Variants in AKAP13 observed in about 807,000 individuals in gnomAD.
AKAP13 encodes A-kinase anchor protein 13.
AKAP13 carries 80 observed loss-of-function variants against 264.5 expected under a neutral mutation model. That is an observed-to-expected ratio of 0.30 (90% confidence interval 0.25 to 0.36). The LOEUF (loss-of-function observed/expected upper bound fraction) is 0.36, where lower values mean the gene tolerates loss of function less well. Ranked by LOEUF, AKAP13 falls within the 10% of genes least tolerant of loss-of-function variation. AKAP13 has a pLI of 1.00. For synonymous variants in AKAP13, 1,380 were observed against 1,250.2 expected, an observed-to-expected ratio of 1.10 and a Z score of -2.19; for missense variants, 3,712 against 3,435.2, an observed-to-expected ratio of 1.08 and a Z score of -2.01.
At position 85,485,086 on chromosome 15, in the gene AKAP13, T is replaced by G. The variant is rs548278369; in HGVS notation, c.-11-624T>G. Among the ~76,000 whole-genome samples the G allele has an allele frequency of 8.5e-5, 13 of 152,338 alleles. No homozygotes were observed. In the South Asian group the frequency reaches 2.7e-3, roughly 32 times the overall value. ...AGTTAAACTTTTAAGAACATGCTATTCTTAATGTTCAGGAATTCAACCCTG... is the reference window on the plus strand; with the variant it reads ...AGTTAAACTTTTAAGAACATGCTATGCTTAATGTTCAGGAATTCAACCCTG... On this transcript the variant is annotated intron_variant, in intron 1 of 36. Coordinates refer to ENST00000394518, the MANE Select transcript of AKAP13 (RefSeq NM_007200.5).
At chr15:85,608,448 A>C (rs1472775813) in intron 8 of AKAP13, among the ~76,000 whole-genome samples, 1 of 152,194 alleles carries the variant, frequency 6.6e-6, no homozygotes, top group East Asian at 1.9e-4. Context: ...AAATTTAAGA[A>C]ATGGCTGTTG....
At position 85,645,857 on chromosome 15, in the gene AKAP13, G is replaced by A; in HGVS notation, c.4277G>A (p.Cys1426Tyr). ...NFLDVGLGRE[C>Y]TSKQGVLKRE... ...CTGGATGTTGGACTGGGCAGAGAGTGTACCTCAAAACAAGGTGTACTTAAA... is the reference window on the plus strand; with the variant it reads ...CTGGATGTTGGACTGGGCAGAGAGTATACCTCAAAACAAGGTGTACTTAAA... Residue 1426 changes from cysteine (C) to tyrosine (Y), a missense_variant, in exon 10 of 37, where the codon TGT becomes TAT. Cys to Tyr is a radical substitution (Grantham distance 194). Coordinates refer to ENST00000394518, the MANE Select transcript of AKAP13 (RefSeq NM_007200.5). 1.2e-6 allele frequency: 2 copies of A among 1,611,656 alleles called. No individual in the cohort carries two copies. The highest frequency in any genetic ancestry group is 1.7e-6 in the Non-Finnish European group (2 of 1,179,138).
At chr15:85,704,452 C>A (rs1047347595) in intron 17 of AKAP13, among the ~76,000 whole-genome samples, 1 of 151,992 alleles carries the variant, frequency 6.6e-6, no homozygotes, top group Admixed American at 6.6e-5. Context: ...TGGTTGGTGG[C>A]ATGGGTTAAA....
At chr15:85,454,103 G>T (rs1420468615) in intron 1 of AKAP13, among the ~76,000 whole-genome samples, 2 of 152,218 alleles carry the variant, frequency 1.3e-5, no homozygotes, top group Non-Finnish European at 2.9e-5. Flanking sequence ...CTTGTGGGCT[G>T]CCATGGAAGT....
intron 5 of AKAP13, among the ~76,000 whole-genome samples, chr15:85,565,061 C>G (rs2078554108): frequency 6.6e-6 from 1 of 152,146 alleles, no homozygotes; most frequent in African/African-American, 2.4e-5. Flanking sequence ...TCAAGGTAAT[C>G]ATATTGTCAG....
At chr15:85,613,691 A>AAAAAAAATATATATATAT (rs1313187436) in intron 8 of AKAP13, among the ~76,000 whole-genome samples, 2 of 91,966 alleles carry the variant, frequency 2.2e-5, no homozygotes, top group African/African-American at 9.1e-5. Flanking sequence ...AAAAAAAAAA[A>AAAAAAAATATATATATAT]ATATATATAT....
chr15:85,667,625 T>G (rs982128405), intron 13 of AKAP13, among the ~76,000 whole-genome samples: 1 of 152,236 alleles, frequency 6.6e-6, no homozygotes, highest in African/African-American at 2.4e-5. Flanking sequence ...AACAGAATCA[T>G]AGGCCAAGAC....
intron 9 of AKAP13, 74 bp downstream of exon 9, chr15:85,639,523 CCCTT>C: frequency 9.1e-7 from 1 of 1,093,396 alleles, no homozygotes; most frequent in East Asian, 2.4e-5. Context: ...TGGAGATCTG[CCCTT>C]CCTTAGCATG....
intron 10 of AKAP13, among the ~76,000 whole-genome samples, chr15:85,650,798 A>AAAAAAAAAAAAAT (rs1227921694): frequency 6.8e-6 from 1 of 147,358 alleles, no homozygotes; most frequent in Admixed American, 6.8e-5. Flanking sequence ...AAACAACAAA[A>AAAAAAAAAAAAAT]ACTGCAATTG....
At chr15:85,454,388 G>A (rs962089766) in intron 1 of AKAP13, among the ~76,000 whole-genome samples, 11 of 152,100 alleles carry the variant, frequency 7.2e-5, no homozygotes, top group African/African-American at 1.9e-4. Context: ...TCTGGGGATC[G>A]CTCATTCACT....
chr15:85,692,472 A>G lies in AKAP13; in HGVS notation c.5290-805A>G, dbSNP rs534413291. 4.6e-5 allele frequency among the ~76,000 whole-genome samples: 7 copies of G among 150,690 alleles called. No individual in the cohort carries two copies. The South Asian group carries it at 1.5e-3, about 32-fold the overall frequency. On this transcript the variant is annotated intron_variant, in intron 16 of 36. Coordinates refer to ENST00000394518, the MANE Select transcript of AKAP13 (RefSeq NM_007200.5). ...TTTACCTAGGGTCACGCTATTACTG[A>G]GTAGTAGTAGTGGTGGTGGTGGTGA... is the stretch of plus-strand genomic sequence containing the variant.
In AKAP13 at chr15:85,726,890, T is replaced by C. The variant is rs148638517; in HGVS notation, c.6823-176T>C. 633 of 691,160 alleles carry C rather than the reference T, an allele frequency of 9.2e-4. 2 individuals carry two copies. Among genetic ancestry groups the C allele is most frequent in the Middle Eastern group, 3.5e-3 (9 of 2,584 alleles). The allele number at this position is 691,160 out of a possible 1,614,324, so 42.8% of individuals were successfully genotyped here. A position where few individuals can be genotyped will look rare whatever the true frequency, so the allele number is the denominator to read the frequency against. On this transcript the variant is annotated intron_variant, in intron 27 of 36. Transcript: ENST00000394518. ...AATTACTATTTCCCTTTTGAAATCT[T>C]TTTTTGTTAAAATCTGAATGAAATA...
At position 85,641,494 on chromosome 15, in the gene AKAP13, A is replaced by T. The variant is rs1006835185; in HGVS notation, c.4237+2045A>T. ...TAAATAAATAAATAAATAAATAAAT[A>T]AATAAATAAATAACGGAGTCTCGCT... On this transcript the variant is annotated intron_variant, in intron 9 of 36. Coordinates refer to ENST00000394518, the MANE Select transcript of AKAP13 (RefSeq NM_007200.5). 3.1e-4 allele frequency among the ~76,000 whole-genome samples: 27 copies of T among 87,596 alleles called. 1 individual carries two copies. Among genetic ancestry groups the T allele is most frequent in the African/African-American group, 1.0e-3 (25 of 25,052 alleles). 57.5% of individuals were successfully genotyped at this position (87,596 alleles called of 152,430 possible).
intron 8 of AKAP13, among the ~76,000 whole-genome samples, chr15:85,630,718 A>AT (rs910836201): frequency 2.6e-5 from 4 of 152,208 alleles, no homozygotes; most frequent in African/African-American, 9.6e-5. Flanking sequence ...AGATTTTTCC[A>AT]TTAAAAAAAA....
At chr15:85,624,161 A>C (rs2081308120) in intron 8 of AKAP13, among the ~76,000 whole-genome samples, 1 of 152,344 alleles carries the variant, frequency 6.6e-6, no homozygotes, top group East Asian at 1.9e-4. Flanking sequence ...TACTAATTTT[A>C]TAACTTTGGG....
intron 33 of AKAP13, among the ~76,000 whole-genome samples, chr15:85,737,067 C>T (rs1024275839): frequency 2.6e-5 from 4 of 151,970 alleles, no homozygotes; most frequent in East Asian, 1.9e-4. Context: ...TATAGGCATA[C>T]GCCACTACAC....
At chr15:85,666,624 C>T (rs917914148) in intron 13 of AKAP13, among the ~76,000 whole-genome samples, 20 of 152,214 alleles carry the variant, frequency 1.3e-4, no homozygotes, top group African/African-American at 4.6e-4. Flanking sequence ...TCACAGGTCA[C>T]TGCAGCTTCA....
intron 8 of AKAP13, among the ~76,000 whole-genome samples, chr15:85,594,241 A>G (rs1473953302): frequency 6.6e-6 from 1 of 152,228 alleles, no homozygotes; most frequent in Non-Finnish European, 1.5e-5. Flanking sequence ...TTCAGTACTC[A>G]GTTCAACAAA....
chr15:85,704,972 A>C (rs1302468480), intron 17 of AKAP13, among the ~76,000 whole-genome samples: 1 of 152,220 alleles, frequency 6.6e-6, no homozygotes, highest in East Asian at 1.9e-4. Context: ...GTGTTTTTCA[A>C]GTAGGTACTT....
Sources: allele counts gnomAD v4.1 joint callset (sites outside exome capture counted in the v4.1 genomes callset), GRCh38; gene constraint gnomAD v4.1.1; transcripts MANE v1.5; gene names NCBI Gene and HGNC (gene_info 2026-07-23, HGNC 2026-07-21).